Variants in EMC8 observed in about 807,000 individuals in gnomAD.
The protein encoded by EMC8 is ER membrane protein complex subunit 8.
In EMC8, 11 loss-of-function variants were observed where a neutral mutation model predicts 24.3. The observed-to-expected ratio is 0.45, with a 90% CI of 0.28 to 0.75. The LOEUF (loss-of-function observed/expected upper bound fraction) is 0.75. Ranked by LOEUF, EMC8 falls within the 30% of genes least tolerant of loss-of-function variation. The pLI, the probability that EMC8 is intolerant of heterozygous loss-of-function variation, is 0.12. For synonymous variants in EMC8, 145 were observed against 117.7 expected (o/e 1.23, Z -1.50); for missense variants, 277 against 282.7 (o/e 0.98, Z 0.14).
At chr16:85,786,679 G>T (rs1419516907) in intron 2 of EMC8, among the ~76,000 whole-genome samples, 2 of 152,156 alleles carry the variant, frequency 1.3e-5, no homozygotes, top group East Asian at 3.8e-4. Context: ...TATTAATGAA[G>T]GACTGCAAAA....
intron 2 of EMC8, among the ~76,000 whole-genome samples, chr16:85,782,247 T>TC (rs1404537062): frequency 2.0e-5 from 3 of 152,220 alleles, no homozygotes; most frequent in African/African-American, 7.2e-5. Context: ...TGGCAGTCCG[T>TC]CACCCTCTGA....
chr16:85,799,032 C>T lies in EMC8; in HGVS notation c.231+33G>A, dbSNP rs565246656. ...TGCTGACTGAGGGGAGGCCAGGCTG[C>T]CTGCAAGGGGAAGGGGCCCTTTCCG... On this transcript the variant is annotated intron_variant, in intron 1 of 4. Coordinates refer to ENST00000253457, the MANE Select transcript of EMC8 (RefSeq NM_006067.5). The surrounding 1 kb of genome is among the most constrained non-coding windows in gnomAD (Gnocchi z 4.2). 2 of 1,424,570 alleles carry T rather than the reference C, an allele frequency of 1.4e-6. No homozygotes were observed. Among genetic ancestry groups the T allele is most frequent in the African/African-American group, 1.4e-5 (1 of 70,764 alleles). 88.2% of individuals were successfully genotyped at this position (1,424,570 alleles called of 1,614,324 possible).
intron 4 of EMC8, 37 bp from the exon 5 acceptor site, chr16:85,779,904 T>C: frequency 2.5e-6 from 4 of 1,606,038 alleles, no homozygotes; most frequent in Non-Finnish European, 3.4e-6. Flanking sequence ...CATCTAACAG[T>C]GAAAACGGGC....
At chr16:85,795,106 C>CT (rs1218252774) in intron 1 of EMC8, among the ~76,000 whole-genome samples, 2 of 152,128 alleles carry the variant, frequency 1.3e-5, no homozygotes, top group African/African-American at 4.8e-5. Context: ...GTGTTTAACT[C>CT]TGTCAAGTAC....
At chr16:85,786,121 C>T (rs1278889405) in intron 2 of EMC8, among the ~76,000 whole-genome samples, 2 of 152,170 alleles carry the variant, frequency 1.3e-5, no homozygotes, top group Non-Finnish European at 2.9e-5. Context: ...AAACACACTG[C>T]GCAATTTCAT....
chr16:85,798,114 GTTTTTTTTTTTT>G (rs1163747067), intron 1 of EMC8, among the ~76,000 whole-genome samples: 6 of 72,152 alleles, frequency 8.3e-5, no homozygotes, highest in East Asian at 4.2e-4. Context: ...ACAGAAATTC[GTTTTTTTTTTTT>G]TTTTTTTTTT....
intron 3 of EMC8, 119 bp from the exon 4 acceptor site, chr16:85,780,592 C>T (rs1040889763): frequency 3.0e-5 from 21 of 699,540 alleles, no homozygotes; most frequent in African/African-American, 2.4e-4. Context: ...GAGACTCTTC[C>T]GACAGAGCCT....
chr16:85,796,016 G>A (rs1253047786), intron 1 of EMC8, among the ~76,000 whole-genome samples: 1 of 152,094 alleles, frequency 6.6e-6, no homozygotes, highest in Non-Finnish European at 1.5e-5. Context: ...ACACGCGGTT[G>A]GAGAGCTTTT....
chr16:85,793,899 C>T (rs1035518477), intron 1 of EMC8, among the ~76,000 whole-genome samples: 5 of 151,842 alleles, frequency 3.3e-5, no homozygotes, highest in Admixed American at 6.6e-5. Flanking sequence ...AGTTAATAGG[C>T]GTAAGTACTT....
At chr16:85,795,852 C>T (rs1038327246) in intron 1 of EMC8, among the ~76,000 whole-genome samples, 4 of 152,256 alleles carry the variant, frequency 2.6e-5, no homozygotes, top group South Asian at 2.1e-4. Context: ...GCCCTCAACC[C>T]GTGGGCTCTG....
chr16:85,788,329 G>A (rs1272677964), intron 2 of EMC8, among the ~76,000 whole-genome samples: 1 of 152,238 alleles, frequency 6.6e-6, no homozygotes, highest in Non-Finnish European at 1.5e-5. Context: ...CTTGTTTACA[G>A]CACGACCCCC....
intron 2 of EMC8, among the ~76,000 whole-genome samples, chr16:85,783,813 C>T (rs973236660): frequency 1.3e-5 from 2 of 152,138 alleles, no homozygotes; most frequent in African/African-American, 2.4e-5. Context: ...GACATGCCAC[C>T]CTCACCACAA....
chr16:85,794,685 T>C (rs988395575), intron 1 of EMC8, among the ~76,000 whole-genome samples: 1 of 152,182 alleles, frequency 6.6e-6, no homozygotes, highest in Non-Finnish European at 1.5e-5. Context: ...TGAGACTCCA[T>C]CTCGGAAAAG....
In EMC8 at chr16:85,789,063, C is replaced by T. The variant is rs1567830505; in HGVS notation, c.232-13G>A. ...ACCATGAATCAATCTGAAAGAGGAA[C>T]AAAAATTGGGAAAAGATGAATGACT... is the stretch of plus-strand genomic sequence containing the variant. On this transcript the variant is annotated splice_polypyrimidine_tract_variant and intron_variant, in intron 1 of 4. Transcript: ENST00000253457. The T allele has an allele frequency of 1.3e-6, 2 of 1,593,752 alleles. No homozygotes were observed. The highest frequency in any genetic ancestry group is 1.1e-5 in the South Asian group (1 of 90,544).
chr16:85,791,325 A>G (rs1905001114), intron 1 of EMC8, among the ~76,000 whole-genome samples: 2 of 152,096 alleles, frequency 1.3e-5, no homozygotes, highest in South Asian at 4.1e-4. Context: ...ATTTTTATTT[A>G]AGTTCTGGGA....
chr16:85,791,085 C>T (rs1904988616), intron 1 of EMC8, among the ~76,000 whole-genome samples: 1 of 151,952 alleles, frequency 6.6e-6, no homozygotes, highest in South Asian at 2.1e-4. Flanking sequence ...GCCTTGGCCT[C>T]CCAAAGTGCT....
intron 1 of EMC8, 95 bp downstream of exon 1, chr16:85,798,970 G>C (rs1905430630): frequency 6.9e-6 from 6 of 865,892 alleles, no homozygotes; most frequent in African/African-American, 1.7e-5. Flanking sequence ...GGTCCTAGGA[G>C]CCTGCTGGAG....
intron 1 of EMC8, among the ~76,000 whole-genome samples, chr16:85,793,625 G>A (rs1183663198): frequency 2.0e-5 from 3 of 152,314 alleles, no homozygotes; most frequent in South Asian, 2.1e-4. Flanking sequence ...CCGTGCAGAG[G>A]AGCAGAGGAC....
At chr16:85,792,574 G>T (rs183157261) in intron 1 of EMC8, 1 of 152,314 alleles carries the variant, frequency 6.6e-6, no homozygotes, top group African/African-American at 2.4e-5. Context: ...TGACAGTCCG[G>T]AATCTGGAAC....
Sources: gnomAD v4.1 joint callset for allele counts (sites outside exome capture counted in the v4.1 genomes callset) on GRCh38, gnomAD v4.1.1 for gene constraint, Gnocchi (gnomAD v3.1) non-coding constraint, MANE v1.5 for transcripts, NCBI Gene and HGNC (gene_info 2026-07-23, HGNC 2026-07-21) for gene names.